Variants in CAST observed in about 807,000 individuals in gnomAD.
CAST encodes the protein calpastatin.
A neutral mutation model predicts 119.6 loss-of-function variants in CAST; 76 were observed. That is an observed-to-expected ratio of 0.64 (90% confidence interval 0.53 to 0.77). CAST has a LOEUF of 0.77. CAST is among the 30% of genes least tolerant of loss of function. The pLI is 0.00. For synonymous variants in CAST, 319 were observed against 331.6 expected (o/e 0.96, Z 0.41); for missense variants, 953 against 946.5 (o/e 1.01, Z -0.09).
At chr5:96,720,328 T>C (rs112757976) in intron 3 of CAST, among the ~76,000 whole-genome samples, 1 of 152,232 alleles carries the variant, frequency 6.6e-6, no homozygotes, top group Non-Finnish European at 1.5e-5. Context: ...GTTATCCACA[T>C]CAATGATACG....
At chr5:96,060,723 G>A in the CAST span, among the ~76,000 whole-genome samples, 1 of 152,116 alleles carries the variant, frequency 6.6e-6, no homozygotes, top group South Asian at 2.1e-4. Context: ...CTGACCATAT[G>A]ATATAAGGGG....
At chr5:96,177,846 C>T in the CAST span, among the ~76,000 whole-genome samples, 7 of 152,290 alleles carry the variant, frequency 4.6e-5, no homozygotes, top group South Asian at 4.1e-4. Context: ...CGTTTGGAGA[C>T]GTTTTGCAGC....
the CAST span, among the ~76,000 whole-genome samples, chr5:95,967,486 A>T: frequency 6.6e-6 from 1 of 152,142 alleles, no homozygotes; most frequent in African/African-American, 2.4e-5. Flanking sequence ...TCCACACCCA[A>T]ATCTCATCCT....
At chr5:96,027,192 C>G in the CAST span, among the ~76,000 whole-genome samples, 1 of 151,984 alleles carries the variant, frequency 6.6e-6, no homozygotes, top group Admixed American at 6.6e-5. Context: ...AAAAACAAAA[C>G]AAAACTAAAA....
chr5:96,268,494 C>A, the CAST span, among the ~76,000 whole-genome samples: 2 of 152,236 alleles, frequency 1.3e-5, no homozygotes, highest in South Asian at 2.1e-4. Context: ...AGGAGGATCC[C>A]TTGAATCCAT....
At chr5:96,597,149 G>A (rs1445235790) in intron 1 of CAST, among the ~76,000 whole-genome samples, 2 of 152,116 alleles carry the variant, frequency 1.3e-5, no homozygotes, top group Admixed American at 6.5e-5. Flanking sequence ...TAGGATCCAC[G>A]ACCTCATATA....
the CAST span, among the ~76,000 whole-genome samples, chr5:96,058,541 G>A: frequency 7.4e-6 from 1 of 135,100 alleles, no homozygotes; most frequent in Admixed American, 7.3e-5. Context: ...GTACCAGAAG[G>A]GCTCTAAGAA....
the CAST span, among the ~76,000 whole-genome samples, chr5:96,409,453 G>T: frequency 6.6e-6 from 1 of 152,208 alleles, no homozygotes; most frequent in Non-Finnish European, 1.5e-5. Context: ...TGAGGAAAAG[G>T]TTTGCGTAAG....
At chr5:96,632,961 A>C (rs922523643) in intron 1 of CAST, among the ~76,000 whole-genome samples, 9 of 151,918 alleles carry the variant, frequency 5.9e-5, no homozygotes, top group African/African-American at 2.2e-4. Context: ...ATTTTTTTAA[A>C]GTTTTTGGTT....
the CAST span, among the ~76,000 whole-genome samples, chr5:96,028,888 T>C: frequency 1.3e-5 from 2 of 151,814 alleles, no homozygotes; most frequent in African/African-American, 4.8e-5. Flanking sequence ...TTGTTTAGAG[T>C]GAGACTGTGA....
chr5:96,510,793 G>A, the CAST span, among the ~76,000 whole-genome samples: 1 of 152,164 alleles, frequency 6.6e-6, no homozygotes, highest in African/African-American at 2.4e-5. Context: ...CGAATAAAAT[G>A]ACATTATGTC....
chr5:96,261,747 C>A, the CAST span, among the ~76,000 whole-genome samples: 1 of 152,072 alleles, frequency 6.6e-6, no homozygotes, highest in South Asian at 2.1e-4. Flanking sequence ...AAAAAAAAGG[C>A]CCCTGAATTT....
intron 2 of CAST, among the ~76,000 whole-genome samples, chr5:96,678,987 G>T (rs1037338219): frequency 6.6e-5 from 10 of 151,950 alleles, no homozygotes; most frequent in Admixed American, 3.3e-4. Flanking sequence ...GTAATCCTAA[G>T]ATACCTGCAG....
intron 1 of CAST, among the ~76,000 whole-genome samples, chr5:96,590,052 C>T (rs1427958516): frequency 3.3e-5 from 5 of 152,182 alleles, no homozygotes; most frequent in Non-Finnish European, 5.9e-5. Context: ...CTGTTTTATA[C>T]TGTTTCTGAT....
At chr5:96,268,035 T>C in the CAST span, among the ~76,000 whole-genome samples, 1 of 152,108 alleles carries the variant, frequency 6.6e-6, no homozygotes, top group African/African-American at 2.4e-5. Flanking sequence ...CTATAAGATG[T>C]CTTTTTGTAA....
the CAST span, among the ~76,000 whole-genome samples, chr5:96,177,682 G>C: frequency 6.6e-6 from 1 of 152,104 alleles, no homozygotes; most frequent in Admixed American, 6.5e-5. Flanking sequence ...GTTAATTTCT[G>C]ACCTTAAGCA....
At chr5:96,659,481 A>T (rs943031161), upstream of CAST, among the ~76,000 whole-genome samples, 11 of 152,158 alleles carry the variant, frequency 7.2e-5, no homozygotes, top group African/African-American at 2.7e-4. Flanking sequence ...ATAAATGATT[A>T]CCTATGTGCA....
chr5:96,252,900 T>G, the CAST span, among the ~76,000 whole-genome samples: 39 of 152,284 alleles, frequency 2.6e-4, 1 homozygote, highest in South Asian at 7.9e-3. Flanking sequence ...ACAGAATGAC[T>G]GGAGTCTGAC....
chr5:96,678,161 G>A (rs1035366422), intron 2 of CAST, among the ~76,000 whole-genome samples: 3 of 152,116 alleles, frequency 2.0e-5, no homozygotes, highest in African/African-American at 7.2e-5. Flanking sequence ...AATTACCAGA[G>A]AAAGACTTCC....
Sources: gnomAD v4.1 joint callset for allele counts (sites outside exome capture counted in the v4.1 genomes callset) on GRCh38, gnomAD v4.1.1 for gene constraint, MANE v1.5 for transcripts, NCBI Gene and HGNC (gene_info 2026-07-23, HGNC 2026-07-21) for gene names.